The following KCNIP4 variants were observed in gnomAD, a reference collection of about 807,000 sequenced individuals.
KCNIP4 encodes the protein Kv channel-interacting protein 4.
In KCNIP4, 12 loss-of-function variants were observed where a neutral mutation model predicts 34.0. That is an observed-to-expected ratio of 0.35 (90% confidence interval 0.23 to 0.57). The LOEUF (loss-of-function observed/expected upper bound fraction) is 0.57. Ranked by LOEUF, KCNIP4 falls within the 20% of genes least tolerant of loss-of-function variation. The pLI, the probability that KCNIP4 is intolerant of heterozygous loss-of-function variation, is 0.83. For missense variants in KCNIP4, 238 were observed against 311.7 expected, an observed-to-expected ratio of 0.76 and a Z score of 1.78; for synonymous variants, 124 against 102.2, an observed-to-expected ratio of 1.21 and a Z score of -1.29.
chr4:21,109,956 C>A (rs896880601), intron 1 of KCNIP4, among the ~76,000 whole-genome samples: 2 of 152,046 alleles, frequency 1.3e-5, no homozygotes, highest in African/African-American at 4.8e-5. Context: ...TGTTCATACT[C>A]CTATATTATT....
chr4:21,396,528 C>G (rs1383794807), intron 1 of KCNIP4, among the ~76,000 whole-genome samples: 4 of 103,860 alleles, frequency 3.9e-5, no homozygotes, highest in Non-Finnish European at 7.6e-5. Context: ...TGCACTCCAG[C>G]CTGGTGACAG....
intron 1 of KCNIP4, among the ~76,000 whole-genome samples, chr4:21,517,463 T>C (rs1481987904): frequency 2.6e-5 from 4 of 152,150 alleles, no homozygotes; most frequent in Admixed American, 1.3e-4. Flanking sequence ...TCCCAATATG[T>C]GAATGGAGGC....
intron 1 of KCNIP4, among the ~76,000 whole-genome samples, chr4:21,680,229 A>G (rs902692214): frequency 6.6e-6 from 1 of 152,084 alleles, no homozygotes; most frequent in East Asian, 1.9e-4. Context: ...TGAGGAGTAG[A>G]CTCCTTTCAA....
At chr4:21,262,583 C>T (rs1470597742) in intron 1 of KCNIP4, among the ~76,000 whole-genome samples, 1 of 152,192 alleles carries the variant, frequency 6.6e-6, no homozygotes, top group Non-Finnish European at 1.5e-5. Flanking sequence ...CAGTTATCCT[C>T]TGAGGATCTT....
At chr4:21,068,625 T>A (rs931202870) in intron 1 of KCNIP4, among the ~76,000 whole-genome samples, 6 of 152,196 alleles carry the variant, frequency 3.9e-5, no homozygotes, top group African/African-American at 1.4e-4. Context: ...TGTCCTTTTC[T>A]TGTCATTTAG....
chr4:21,021,243 G>A (rs1341053017), intron 1 of KCNIP4, among the ~76,000 whole-genome samples: 3 of 152,124 alleles, frequency 2.0e-5, no homozygotes, highest in African/African-American at 7.2e-5. Context: ...TAATACACCT[G>A]TATAGCACAT....
chr4:21,445,612 C>T (rs551179631), intron 1 of KCNIP4, among the ~76,000 whole-genome samples: 4,251 of 152,226 alleles, frequency 0.028, 158 homozygotes, highest in African/African-American at 0.075. Context: ...ACACCTTATA[C>T]AAAAATTAAT....
intron 1 of KCNIP4, among the ~76,000 whole-genome samples, chr4:21,677,738 C>T (rs1159859432): frequency 6.6e-6 from 1 of 152,160 alleles, no homozygotes; most frequent in Non-Finnish European, 1.5e-5. Flanking sequence ...AGCCACCACT[C>T]TTCCCACTGT....
chr4:21,718,974 C>T (rs1401184270), intron 1 of KCNIP4: 1 of 152,168 alleles, frequency 6.6e-6, no homozygotes, highest in African/African-American at 2.4e-5. Flanking sequence ...ATGTGCACTG[C>T]ATTTGTCATT....
At chr4:21,086,473 A>T (rs1276099904) in intron 1 of KCNIP4, among the ~76,000 whole-genome samples, 1 of 152,202 alleles carries the variant, frequency 6.6e-6, no homozygotes, top group African/African-American at 2.4e-5. Context: ...CCAACAGTAA[A>T]GCTGTAATAC....
intron 1 of KCNIP4, among the ~76,000 whole-genome samples, chr4:21,491,059 T>A (rs981841359): frequency 6.6e-6 from 1 of 152,174 alleles, no homozygotes; most frequent in African/African-American, 2.4e-5. Context: ...TTTTTTTAAA[T>A]GCATGATTAT....
intron 1 of KCNIP4, among the ~76,000 whole-genome samples, chr4:21,017,149 ATCT>A (rs1189312412): frequency 6.6e-6 from 1 of 152,204 alleles, no homozygotes; most frequent in East Asian, 1.9e-4. Flanking sequence ...AAATAAGTTC[ATCT>A]TCATCCAAAG....
Position 21,573,258 on chromosome 4 carries a change from C to T in KCNIP4, c.61+375313G>A, listed in dbSNP as rs1740491081. ...GTACCAGGAACTTTAAATGTATGAA[C>T]TCTAATCCACTAAAACTACATGAAT... On this transcript the variant is annotated intron_variant, in intron 1 of 8. Coordinates refer to ENST00000382152, the MANE Select transcript of KCNIP4 (RefSeq NM_025221.6). Among the ~76,000 whole-genome samples, 5 of 152,098 alleles carry T rather than the reference C, an allele frequency of 3.3e-5. No individual in the cohort carries two copies. In the South Asian group the frequency reaches 1.0e-3, roughly 32 times the overall value.
intron 1 of KCNIP4, among the ~76,000 whole-genome samples, chr4:21,668,790 T>G (rs2109003606): frequency 6.6e-6 from 1 of 151,738 alleles, no homozygotes; most frequent in East Asian, 2.0e-4. Flanking sequence ...AATTTACTTA[T>G]AATTTATAAA....
intron 1 of KCNIP4, among the ~76,000 whole-genome samples, chr4:21,694,943 A>C (rs201126191): frequency 4.0e-4 from 18 of 45,330 alleles, no homozygotes; most frequent in African/African-American, 5.0e-4. Context: ...AAAATAAATA[A>C]ATAAATAAAG....
chr4:21,832,328 C>T (rs1011333188), intron 1 of KCNIP4, among the ~76,000 whole-genome samples: 1 of 152,116 alleles, frequency 6.6e-6, no homozygotes, highest in African/African-American at 2.4e-5. Flanking sequence ...AAGATGCCCA[C>T]TCTTGCTGCT....
intron 1 of KCNIP4, among the ~76,000 whole-genome samples, chr4:21,370,083 TCCC>T (rs1213870248): frequency 6.8e-6 from 1 of 147,372 alleles, no homozygotes; most frequent in Non-Finnish European, 1.5e-5. Flanking sequence ...CACCTCGGCC[TCCC>T]GAAGTGCTGG....
At chr4:20,784,963 G>A (rs1711751367) in intron 3 of KCNIP4, among the ~76,000 whole-genome samples, 1 of 152,162 alleles carries the variant, frequency 6.6e-6, no homozygotes, top group Non-Finnish European at 1.5e-5. Context: ...CCAGCATGCA[G>A]AACTACCACT....
intron 1 of KCNIP4, among the ~76,000 whole-genome samples, chr4:21,288,603 C>A (rs1288827432): frequency 1.3e-5 from 2 of 152,102 alleles, no homozygotes; most frequent in African/African-American, 4.8e-5. Context: ...CTTCTTTTTA[C>A]TGATGAAGAA....
Sources: gnomAD v4.1 joint callset for allele counts (sites outside exome capture counted in the v4.1 genomes callset) on GRCh38, gnomAD v4.1.1 for gene constraint, MANE v1.5 for transcripts, NCBI Gene and HGNC (gene_info 2026-07-23, HGNC 2026-07-21) for gene names.